The following COL27A1 variants were observed in gnomAD, a reference collection of about 807,000 sequenced individuals.
COL27A1 encodes collagen type XXVII alpha 1 chain.
COL27A1 carries 106 observed loss-of-function variants against 251.3 expected under a neutral mutation model. The ratio of observed to expected loss-of-function variants is 0.42; its 90% CI spans 0.36 to 0.50. The LOEUF is 0.50. Among genes scored for constraint, COL27A1 ranks in the 20% least tolerant of loss-of-function variants. The pLI is 0.00. For missense variants in COL27A1, 2,325 were observed against 2,522.8 expected (o/e 0.92, Z 1.68); for synonymous variants, 1,000 against 986.3 (o/e 1.01, Z -0.26).
intron 37 of COL27A1, among the ~76,000 whole-genome samples, chr9:114,278,041 G>A (rs958723367): frequency 2.0e-5 from 3 of 152,000 alleles, no homozygotes; most frequent in Non-Finnish European, 4.4e-5. Context: ...TATCTATAAA[G>A]AATAAATAAA....
chr9:114,218,176 T>C, intron 12 of COL27A1: 1 of 218,614 alleles, frequency 4.6e-6, no homozygotes, highest in Non-Finnish European at 9.2e-6. Flanking sequence ...GGTGAGACGA[T>C]CTACCTTCAG....
chr9:114,290,753 C>T lies in COL27A1; in HGVS notation c.4369-57C>T. The T allele has an allele frequency of 7.4e-7, 1 of 1,356,158 alleles. No individual in the cohort carries two copies. Among genetic ancestry groups the T allele is most frequent in the Admixed American group, 2.3e-5 (1 of 42,986 alleles). 84.0% of individuals were successfully genotyped at this position (1,356,158 alleles called of 1,614,324 possible). A position where few individuals can be genotyped will look rare whatever the true frequency, so the allele number is the denominator to read the frequency against. ...GTTTGCCCAGGCGTTGAGCCATCTG[C>T]TTCCTTGGCTGTATCGTGAAACACA... On this transcript the variant is annotated intron_variant, in intron 47 of 60. Coordinates refer to ENST00000356083, the MANE Select transcript of COL27A1 (RefSeq NM_032888.4). The surrounding 1 kb of genome is among the most constrained non-coding windows in gnomAD (Gnocchi z 4.6).
At chr9:114,253,728 A>G (rs1833736162) in intron 27 of COL27A1, among the ~76,000 whole-genome samples, 1 of 152,346 alleles carries the variant, frequency 6.6e-6, no homozygotes, top group Non-Finnish European at 1.5e-5. Context: ...TGGTCAGGAT[A>G]GTGTGATCGT....
Position 114,168,565 on chromosome 9 carries a change from T to C in COL27A1, c.1010T>C (p.Leu337Pro), listed in dbSNP as rs1471543201. 3.1e-6 allele frequency: 5 copies of C among 1,613,940 alleles called. No homozygotes were observed. In the South Asian group the frequency reaches 4.4e-5, roughly 14 times the overall value. ...LSASNALDPM[L>P]PASVGGSTRT... is the part of the protein sequence containing the mutation. ...GCCAGTAACGCACTTGATCCCATGC[T>C]CCCAGCCTCTGTTGGCGGCTCTACC... Residue 337 changes from leucine (L) to proline (P), a missense_variant, in exon 3 of 61, where the codon CTC becomes CCC. Transcript: ENST00000356083.
Position 114,155,961 on chromosome 9 carries a change from G to A in COL27A1, c.11G>A (p.Gly4Glu). 7.8e-7 allele frequency: 1 copy of A among 1,282,584 alleles called. No homozygotes were observed. Among genetic ancestry groups the A allele is most frequent in the South Asian group, 3.3e-5 (1 of 30,422 alleles). 79.5% of individuals were successfully genotyped at this position (1,282,584 alleles called of 1,614,324 possible). A position where few individuals can be genotyped will look rare whatever the true frequency, so the allele number is the denominator to read the frequency against. MGAGSARGARGTAA... is the reference protein window; with the variant it reads MGAESARGARGTAA... ...AAGTAGGGGCCTGCCATGGGAGCGG[G>A]ATCGGCGCGGGGGGCCCGAGGCACA... Residue 4 changes from glycine (G) to glutamate (E), a missense_variant, in exon 1 of 61, where the codon GGA (glycine) becomes GAA (glutamate). Gly to Glu is a moderately conservative substitution (Grantham distance 98, BLOSUM62 -2). Coordinates refer to ENST00000356083, the MANE Select transcript of COL27A1 (RefSeq NM_032888.4). The surrounding 1 kb of genome is among the most constrained non-coding windows in gnomAD (Gnocchi z 5.5).
At chr9:114,299,424 C>T (rs1488096597) in intron 49 of COL27A1, among the ~76,000 whole-genome samples, 1 of 152,236 alleles carries the variant, frequency 6.6e-6, no homozygotes, top group African/African-American at 2.4e-5. Flanking sequence ...CAGCATGCCC[C>T]CTTGCCAATT....
At chr9:114,221,965 T>C (rs1333270052) in intron 13 of COL27A1, among the ~76,000 whole-genome samples, 4 of 152,262 alleles carry the variant, frequency 2.6e-5, no homozygotes, top group African/African-American at 9.6e-5. Context: ...CCTTCCTTTA[T>C]GCTTCCAATG....
intron 42 of COL27A1, 78 bp from the exon 43 acceptor site, chr9:114,288,624 G>A: frequency 1.3e-6 from 2 of 1,562,434 alleles, no homozygotes; most frequent in Admixed American, 1.8e-5. Context: ...GCTCCGCAGA[G>A]GTCGCGGCCA....
At chr9:114,300,767 A>C (rs1828563039) in intron 51 of COL27A1, 80 bp downstream of exon 51, 3 of 1,204,648 alleles carry the variant, frequency 2.5e-6, no homozygotes, top group East Asian at 5.2e-5. Context: ...GCCTGTCTTC[A>C]TCCTCCTCTT....
Position 114,304,688 on chromosome 9 carries a change from T to C in COL27A1, c.4938+15T>C, listed in dbSNP as rs1403474532. The C allele has an allele frequency of 1.2e-6, 2 of 1,612,040 alleles. No individual in the cohort carries two copies. Among genetic ancestry groups the C allele is most frequent in the Admixed American group, 1.7e-5 (1 of 59,986 alleles). On this transcript the variant is annotated intron_variant, in intron 57 of 60. Transcript: ENST00000356083. ...TCAGGCCAGAGGTATCTCCAGGGGCTCTCCCCATGTGGGATCCCTTCCTGG... is the reference window on the plus strand; with the variant it reads ...TCAGGCCAGAGGTATCTCCAGGGGCCCTCCCCATGTGGGATCCCTTCCTGG...
rs1305962840 is a variant in COL27A1, at chr9:114,310,615, A to G, written c.5503A>G (p.Ile1835Val). 2.5e-6 allele frequency: 4 copies of G among 1,614,156 alleles called. No homozygotes were observed. The highest frequency in any genetic ancestry group is 2.2e-5 in the South Asian group (2 of 91,080). ...GACCCAAGACCCCCAACAGCTGCCC[A>G]TCATCAGTGTGGACAACCTCCCTCC... is the stretch of plus-strand genomic sequence containing the variant. Reference protein sequence around the residue: ...FRTQDPQQLPIISVDNLPPAS... With the variant: ...FRTQDPQQLPVISVDNLPPAS... The change falls in exon 61 of 61, where the codon ATC becomes GTC. Residue 1835 changes from isoleucine to valine, a missense_variant. By Grantham distance (29) the Ile-to-Val change is conservative. This residue lies in a region of COL27A1 where 327 missense variants were observed against 442.8 expected (regional missense o/e 0.74). Transcript: ENST00000356083.
In COL27A1 at chr9:114,290,860, G is replaced by T. The variant is rs1465531361; in HGVS notation, c.4419G>T (p.Lys1473Asn). The change falls in exon 48 of 61, where the codon AAG (lysine) becomes AAT (asparagine). Residue 1473 changes from lysine to asparagine, a missense_variant. Lys to Asn is a moderately conservative substitution (Grantham distance 94, BLOSUM62 0). Transcript: ENST00000356083. This position sits in a 1 kb window ranked among gnomAD's most constrained non-coding sequence, Gnocchi z 4.6. Reference protein sequence around the residue: ...GDPGPMGPAGKRGNPGVAGLP... With the variant: ...GDPGPMGPAGNRGNPGVAGLP... ...CTGGCCCCATGGGCCCTGCTGGGAAGAGAGGAAATCCAGGTGTGGCCGGCT... is the reference window on the plus strand; with the variant it reads ...CTGGCCCCATGGGCCCTGCTGGGAATAGAGGAAATCCAGGTGTGGCCGGCT... The T allele has an allele frequency of 6.4e-7, 1 of 1,551,998 alleles. No individual in the cohort carries two copies. The highest frequency in any genetic ancestry group is 1.2e-5 in the South Asian group (1 of 84,106).
rs150399981 is a variant in COL27A1, at chr9:114,288,935, C to T, written c.4120C>T (p.Leu1374Phe). 6.2e-6 allele frequency: 10 copies of T among 1,613,610 alleles called. No individual in the cohort carries two copies. Among genetic ancestry groups the T allele is most frequent in the Non-Finnish European group, 8.5e-6 (10 of 1,180,004 alleles). The change falls in exon 44 of 61, where the codon CTC (leucine) becomes TTC (phenylalanine). Residue 1374 changes from leucine to phenylalanine, a missense_variant. Leu to Phe is a conservative substitution (Grantham distance 22). Coordinates refer to ENST00000356083, the MANE Select transcript of COL27A1 (RefSeq NM_032888.4). The stretch of plus-strand genomic sequence containing the variant: ...CCAGGGACAGGAGGGTGTGCAAGGC[C>T]TCCGTGGAAAGCCAGGCCAGCAGGG... ...GYPGQEGVQG[L>F]RGKPGQQGQP...
At position 114,302,076 on chromosome 9, in the gene COL27A1, T is replaced by C. The variant is rs571326418; in HGVS notation, c.4846-6T>C. 11 of 1,612,294 alleles carry C rather than the reference T, an allele frequency of 6.8e-6. No individual in the cohort carries two copies. In the African/African-American group the frequency reaches 9.3e-5, roughly 14 times the overall value. ...CATTTGACTGACCCGCAGTCTTCTT[T>C]TGCAGGGTCCTCCAGGGGGTCCTAT... On this transcript the variant is annotated splice_polypyrimidine_tract_variant and splice_region_variant and intron_variant, in intron 55 of 60. Transcript: ENST00000356083.
At chr9:114,233,565 C>A (rs1342947684) in intron 16 of COL27A1, among the ~76,000 whole-genome samples, 1 of 152,166 alleles carries the variant, frequency 6.6e-6, no homozygotes, top group Admixed American at 6.5e-5. Context: ...GACATCAGCG[C>A]TCTGGAAATG....
intron 3 of COL27A1, among the ~76,000 whole-genome samples, chr9:114,177,542 A>T (rs186860717): frequency 6.6e-6 from 1 of 152,324 alleles, no homozygotes; most frequent in East Asian, 1.9e-4. Flanking sequence ...GGGAACAGAT[A>T]GAAAATTTGA....
In COL27A1 at chr9:114,205,535, AAT is replaced by A. The variant is rs147039482; in HGVS notation, c.2170-223_2170-222del. On this transcript the variant is annotated intron_variant, in intron 8 of 60. Coordinates refer to ENST00000356083, the MANE Select transcript of COL27A1 (RefSeq NM_032888.4). ...GGAGAACCAGCCAGGCCTCCTCAGT[AAT>A]TTCTTATTCCTGGGCTGCAAGCAGA... Among the ~76,000 whole-genome samples the A allele has an allele frequency of 9.2e-3, 1,397 of 152,216 alleles. 18 individuals carry two copies. Among genetic ancestry groups the A allele is most frequent in the African/African-American group, 0.029 (1,208 of 41,548 alleles).
At chr9:114,181,100 G>A (rs545564226) in intron 4 of COL27A1, among the ~76,000 whole-genome samples, 2 of 152,290 alleles carry the variant, frequency 1.3e-5, no homozygotes, top group East Asian at 1.9e-4. Context: ...GGTGAACATC[G>A]GAGGGTGTTC....
chr9:114,196,350 G>C (rs569761305), intron 7 of COL27A1, among the ~76,000 whole-genome samples: 1 of 152,294 alleles, frequency 6.6e-6, no homozygotes, highest in East Asian at 1.9e-4. Flanking sequence ...GCTGGCCCTG[G>C]CTCCACCACC....
Sources: allele counts gnomAD v4.1 joint callset (sites outside exome capture counted in the v4.1 genomes callset), GRCh38; gene constraint gnomAD v4.1.1; regional missense constraint gnomAD v4.1.1; non-coding constraint Gnocchi (gnomAD v3.1); transcripts MANE v1.5; gene names NCBI Gene and HGNC (gene_info 2026-07-23, HGNC 2026-07-21).